MAP2: variants seen among roughly 807,000 people sequenced by gnomAD.
MAP2 encodes microtubule-associated protein 2.
A neutral mutation model predicts 137.6 loss-of-function variants in MAP2; 14 were observed. The ratio of observed to expected loss-of-function variants is 0.10; its 90% CI spans 0.07 to 0.16. The LOEUF is 0.16. Ranked by LOEUF, MAP2 falls within the 10% of genes least tolerant of loss-of-function variation. MAP2 has a pLI of 1.00. For synonymous variants in MAP2, 786 were observed against 782.3 expected, an observed-to-expected ratio of 1.00 and a Z score of -0.08; for missense variants, 2,088 against 2,191.5, an observed-to-expected ratio of 0.95 and a Z score of 0.94.
chr2:209,696,768 C>T lies in MAP2; in HGVS notation c.4387+20C>T. ...AAAAAGGTTCATTTAACAATCACTT[C>T]TTTAAAAATGTTTTTGAAGTAATTC... On this transcript the variant is annotated intron_variant, in intron 9 of 15. Transcript: ENST00000682079. 1 of 1,591,418 alleles carries T rather than the reference C, an allele frequency of 6.3e-7. No homozygotes were observed. Among genetic ancestry groups the T allele is most frequent in the East Asian group, 2.2e-5 (1 of 44,702 alleles).
At chr2:209,495,585 A>C (rs2059653803) in intron 1 of MAP2, among the ~76,000 whole-genome samples, 1 of 152,248 alleles carries the variant, frequency 6.6e-6, no homozygotes, top group Admixed American at 6.5e-5. Context: ...GCAGACCTGC[A>C]GAAGAGGGAC....
At chr2:209,431,991 G>A (rs1033250288) in intron 1 of MAP2, among the ~76,000 whole-genome samples, 9 of 152,114 alleles carry the variant, frequency 5.9e-5, no homozygotes, top group Middle Eastern at 3.2e-3. Context: ...TTTAAACTCT[G>A]GGGATGTGTG....
intron 2 of MAP2, among the ~76,000 whole-genome samples, chr2:209,516,298 G>A (rs2062491661): frequency 6.6e-6 from 1 of 152,074 alleles, no homozygotes; most frequent in African/African-American, 2.4e-5. Context: ...TGGGCTTGAT[G>A]TCATTTGCTT....
At chr2:209,612,604 T>C (rs544525149) in intron 3 of MAP2, among the ~76,000 whole-genome samples, 4 of 152,332 alleles carry the variant, frequency 2.6e-5, no homozygotes, top group Admixed American at 2.6e-4. Flanking sequence ...TTTCTTATGA[T>C]GCTGTTGAAA....
intron 1 of MAP2, among the ~76,000 whole-genome samples, chr2:209,472,224 T>C (rs894179433): frequency 6.6e-6 from 1 of 152,204 alleles, no homozygotes; most frequent in Admixed American, 6.5e-5. Flanking sequence ...TAATTTTCAT[T>C]TGGAGCCCCT....
intron 1 of MAP2, among the ~76,000 whole-genome samples, chr2:209,480,086 A>C (rs1216577911): frequency 6.6e-6 from 1 of 152,206 alleles, no homozygotes; most frequent in African/African-American, 2.4e-5. Flanking sequence ...ATACTCAAAT[A>C]GCTGATAGGC....
At chr2:209,521,396 T>C (rs1239009105) in intron 2 of MAP2, among the ~76,000 whole-genome samples, 1 of 151,952 alleles carries the variant, frequency 6.6e-6, no homozygotes. Context: ...TGGCAGCACC[T>C]GTCCAATCCT....
chr2:209,516,365 C>G (rs957787077), intron 2 of MAP2, among the ~76,000 whole-genome samples: 1 of 151,934 alleles, frequency 6.6e-6, no homozygotes, highest in Non-Finnish European at 1.5e-5. Flanking sequence ...AAAACTATTG[C>G]CTTCTATTAG....
chr2:209,528,966 A>AT (rs751910653), intron 2 of MAP2, among the ~76,000 whole-genome samples: 5 of 151,504 alleles, frequency 3.3e-5, no homozygotes, highest in East Asian at 1.9e-4. Flanking sequence ...ATCCTCAATC[A>AT]TTTTTTCACA....
chr2:209,488,558 C>A (rs1036401638), intron 1 of MAP2, among the ~76,000 whole-genome samples: 3 of 152,166 alleles, frequency 2.0e-5, no homozygotes, highest in Non-Finnish European at 4.4e-5. Flanking sequence ...TTGCTGCCAG[C>A]ACAGCAGTCT....
intron 2 of MAP2, among the ~76,000 whole-genome samples, chr2:209,533,880 T>G (rs1032809697): frequency 6.6e-6 from 1 of 151,684 alleles, no homozygotes; most frequent in African/African-American, 2.4e-5. Context: ...GGTAAGAGAG[T>G]TGACAAAGCA....
rs764101603 is a variant in MAP2 at position 209,695,617 on chromosome 2, G to A, written c.3447G>A (p.Glu1149=). The A allele has an allele frequency of 1.2e-6, 2 of 1,613,850 alleles. No homozygotes were observed. The highest frequency in any genetic ancestry group is 1.7e-6 in the Non-Finnish European group (2 of 1,179,962). The change falls in exon 8 of 16, where the codon GAG becomes GAA. Residue 1149 remains glutamate, a synonymous_variant. Transcript: ENST00000682079. ...SLTMESLKAD[E]GKKETSPESS... is the part of the protein sequence containing the mutation. The stretch of plus-strand genomic sequence containing the variant: ...CCATGGAGTCCTTGAAAGCTGATGA[G>A]GGCAAGAAGGAAACATCTCCAGAAT...
At chr2:209,669,854 C>T (rs763883685) in intron 5 of MAP2, among the ~76,000 whole-genome samples, 2 of 151,868 alleles carry the variant, frequency 1.3e-5, no homozygotes, top group African/African-American at 4.8e-5. Flanking sequence ...TTGTTTATCT[C>T]ACAGTTACTC....
intron 1 of MAP2, among the ~76,000 whole-genome samples, chr2:209,468,317 CTTT>C (rs11450792): frequency 1.1e-5 from 1 of 88,532 alleles, no homozygotes; most frequent in African/African-American, 4.6e-5. Flanking sequence ...TTTAGTGTTT[CTTT>C]TTTTTTTTTT....
chr2:209,552,449 A>C (rs932744243), intron 2 of MAP2, among the ~76,000 whole-genome samples: 4 of 152,234 alleles, frequency 2.6e-5, no homozygotes, highest in African/African-American at 7.2e-5. Context: ...ATCAGGGCTT[A>C]GAATGAAATA....
At chr2:209,558,112 G>A (rs1345802712) in intron 2 of MAP2, among the ~76,000 whole-genome samples, 1 of 152,036 alleles carries the variant, frequency 6.6e-6, no homozygotes, top group Non-Finnish European at 1.5e-5. Context: ...ATCTCTTCAG[G>A]AAGATATATA....
At chr2:209,670,867 C>A (rs2048532130) in intron 5 of MAP2, among the ~76,000 whole-genome samples, 1 of 151,816 alleles carries the variant, frequency 6.6e-6, no homozygotes, top group African/African-American at 2.4e-5. Context: ...GAGTGCCCCC[C>A]TTTAAACACA....
rs770132978 is a variant in MAP2 at position 209,573,298 on chromosome 2, G to GGTTTTTTTTTTTTTT, written c.-171-6738_-171-6737insGTTTTTTTTTTTTTT. On this transcript the variant is annotated intron_variant, in intron 2 of 15. Transcript: ENST00000682079. ...TTCTTTTCTTTATTTTTCTTTTTCT[G>GGTTTTTTTTTTTTTT]TTTTTTTTTTTTTTTTGAGGAGTCT... Among the ~76,000 whole-genome samples, 382 of 119,988 alleles carry GGTTTTTTTTTTTTTT rather than the reference G, an allele frequency of 3.2e-3. 7 individuals carry two copies. Among genetic ancestry groups the GGTTTTTTTTTTTTTT allele is most frequent in the African/African-American group, 0.012 (355 of 30,122 alleles). The allele number at this position is 119,988 out of a possible 152,430, so 78.7% of individuals were successfully genotyped here. A position where few individuals can be genotyped will look rare whatever the true frequency, so the allele number is the denominator to read the frequency against.
At chr2:209,598,229 A>G (rs115172987) in intron 3 of MAP2, among the ~76,000 whole-genome samples, 2,130 of 151,550 alleles carry the variant, frequency 0.014, 29 homozygotes, top group Non-Finnish European at 0.02. Context: ...CTGGTCGCGA[A>G]CTCCTGATCT....
Sources: gnomAD v4.1 joint callset for allele counts (sites outside exome capture counted in the v4.1 genomes callset) on GRCh38, gnomAD v4.1.1 for gene constraint, MANE v1.5 for transcripts, NCBI Gene and HGNC (gene_info 2026-07-23, HGNC 2026-07-21) for gene names.